The following PDE4D variants were observed in gnomAD, a reference collection of about 807,000 sequenced individuals.
PDE4D encodes phosphodiesterase 4D.
A neutral mutation model predicts 87.4 loss-of-function variants in PDE4D; 24 were observed. The observed-to-expected ratio is 0.27, with a 90% CI of 0.20 to 0.39. PDE4D has a LOEUF of 0.39. Ranked by LOEUF, PDE4D falls within the 10% of genes least tolerant of loss-of-function variation. PDE4D has a pLI of 1.00. For missense variants in PDE4D, 714 were observed against 1,041.0 expected, an observed-to-expected ratio of 0.69 and a Z score of 4.32; for synonymous variants, 384 against 383.2, an observed-to-expected ratio of 1.00 and a Z score of -0.02.
intron 1 of PDE4D, among the ~76,000 whole-genome samples, chr5:60,223,745 T>C (rs898763907): frequency 5.9e-5 from 9 of 152,126 alleles, no homozygotes; most frequent in African/African-American, 1.7e-4. Flanking sequence ...TTAATTACTA[T>C]GGTAGATATT....
chr5:59,130,464 A>C (rs771347847), intron 5 of PDE4D, among the ~76,000 whole-genome samples: 2 of 152,252 alleles, frequency 1.3e-5, no homozygotes, highest in Non-Finnish European at 2.9e-5. Flanking sequence ...TTCATTAATA[A>C]CAAAATTTAT....
At chr5:59,245,603 T>C (rs1758692949) in intron 1 of PDE4D, among the ~76,000 whole-genome samples, 2 of 152,190 alleles carry the variant, frequency 1.3e-5, no homozygotes, top group African/African-American at 2.4e-5. Flanking sequence ...ACTTATCATG[T>C]TGCTGTCAAA....
At chr5:59,104,229 G>T (rs540078309) in intron 5 of PDE4D, among the ~76,000 whole-genome samples, 1 of 152,306 alleles carries the variant, frequency 6.6e-6, no homozygotes, top group South Asian at 2.1e-4. Flanking sequence ...GAACCAGATA[G>T]TATGCTGGGT....
intron 1 of PDE4D, among the ~76,000 whole-genome samples, chr5:60,390,480 T>G (rs1311838960): frequency 1.3e-5 from 2 of 152,106 alleles, no homozygotes; most frequent in African/African-American, 2.4e-5. Context: ...CAACCAGGAC[T>G]TACATTGTTT....
chr5:59,766,059 A>G (rs934366512), intron 1 of PDE4D, among the ~76,000 whole-genome samples: 1 of 152,238 alleles, frequency 6.6e-6, no homozygotes, highest in Admixed American at 6.5e-5. Context: ...AGATACAAAT[A>G]TATTTATATT....
At chr5:59,874,347 T>A (rs992300283) in intron 1 of PDE4D, among the ~76,000 whole-genome samples, 6 of 152,234 alleles carry the variant, frequency 3.9e-5, no homozygotes, top group Admixed American at 2.0e-4. Flanking sequence ...TTTTATCACA[T>A]CAATTCCTTT....
chr5:60,306,832 C>A (rs568643151), intron 1 of PDE4D, among the ~76,000 whole-genome samples: 2 of 151,650 alleles, frequency 1.3e-5, no homozygotes, highest in African/African-American at 2.4e-5. Context: ...ATAGCAGAAA[C>A]AAAAGAAAAA....
intron 2 of PDE4D, among the ~76,000 whole-genome samples, chr5:59,199,977 C>T (rs1191870191): frequency 1.3e-5 from 2 of 151,164 alleles, no homozygotes; most frequent in Non-Finnish European, 3.0e-5. Flanking sequence ...CACATACATA[C>T]ATATATACAC....
intron 1 of PDE4D, among the ~76,000 whole-genome samples, chr5:59,762,886 TATATATAG>T (rs1370438877): frequency 3.5e-4 from 49 of 140,250 alleles, no homozygotes; most frequent in Non-Finnish European, 5.4e-4. Flanking sequence ...TATATATATA[TATATATAG>T]CTTGCTCTTT....
In PDE4D at chr5:59,631,892, C is replaced by T. The variant is rs576940995; in HGVS notation, c.455+261276G>A. On this transcript the variant is annotated intron_variant, in intron 1 of 14. Transcript: ENST00000340635. The stretch of plus-strand genomic sequence containing the variant: ...AATGGCACCTGGAACACCAGTGAGA[C>T]AGCCATTCAATCCCCTGGAAGGGGG... Among the ~76,000 whole-genome samples, 633 of 152,176 alleles carry T rather than the reference C, an allele frequency of 4.2e-3. 5 individuals carry two copies. Among genetic ancestry groups the T allele is most frequent in the Middle Eastern group, 0.014 (4 of 294 alleles).
At chr5:59,684,476 G>A (rs892453930) in intron 1 of PDE4D, among the ~76,000 whole-genome samples, 4 of 152,074 alleles carry the variant, frequency 2.6e-5, no homozygotes, top group African/African-American at 9.7e-5. Flanking sequence ...AAAAGAGAAT[G>A]GTAATTATTA....
At chr5:59,127,926 C>G (rs1466575962) in intron 5 of PDE4D, among the ~76,000 whole-genome samples, 1 of 151,834 alleles carries the variant, frequency 6.6e-6, no homozygotes, top group African/African-American at 2.4e-5. Flanking sequence ...GACTTTGTTC[C>G]TTAGCGTTCT....
intron 1 of PDE4D, among the ~76,000 whole-genome samples, chr5:59,539,652 A>G (rs1815943058): frequency 1.3e-5 from 2 of 152,198 alleles, no homozygotes; most frequent in South Asian, 2.1e-4. Flanking sequence ...ATTCCATAAG[A>G]TATAACTTTC....
intron 1 of PDE4D, among the ~76,000 whole-genome samples, chr5:59,604,291 A>T (rs1827897278): frequency 6.6e-6 from 1 of 151,998 alleles, no homozygotes; most frequent in South Asian, 2.1e-4. Context: ...TTTCTTCAGG[A>T]TTACATTAGA....
At chr5:59,712,466 T>G (rs1754350283) in intron 1 of PDE4D, among the ~76,000 whole-genome samples, 1 of 145,378 alleles carries the variant, frequency 6.9e-6, no homozygotes. Context: ...ATGTTACTCA[T>G]TAAAACCCCA....
intron 1 of PDE4D, among the ~76,000 whole-genome samples, chr5:59,477,938 G>T (rs1803579765): frequency 6.6e-6 from 1 of 152,026 alleles, no homozygotes; most frequent in Non-Finnish European, 1.5e-5. Context: ...AATTAATGCT[G>T]GAACATAAAA....
intron 3 of PDE4D, among the ~76,000 whole-genome samples, chr5:59,922,160 C>T (rs1754748337): frequency 6.6e-6 from 1 of 152,126 alleles, no homozygotes; most frequent in Non-Finnish European, 1.5e-5. Context: ...TATAGACCAG[C>T]CCTAGCCAGA....
intron 1 of PDE4D, among the ~76,000 whole-genome samples, chr5:59,827,208 C>A (rs1278521107): frequency 6.6e-6 from 1 of 151,724 alleles, no homozygotes; most frequent in East Asian, 1.9e-4. Context: ...TAAATATTAG[C>A]CTGACTTAAT....
chr5:59,893,359 G>GGGC lies in PDE4D; in HGVS notation c.261_263dup (p.Pro88dup). 8.0e-7 allele frequency: 1 copy of GGGC among 1,256,536 alleles called. No individual in the cohort carries two copies. Among genetic ancestry groups the GGGC allele is most frequent in the Non-Finnish European group, 1.0e-6 (1 of 1,001,642 alleles). 77.8% of individuals were successfully genotyped at this position (1,256,536 alleles called of 1,614,324 possible). A position where few individuals can be genotyped will look rare whatever the true frequency, so the allele number is the denominator to read the frequency against. ...AGGCGTAGCGGCCGCGGGCAGCCCCGGGCGGCGGCGGGGGCGGCGGCAGGG... is the reference window on the plus strand; with the variant it reads ...AGGCGTAGCGGCCGCGGGCAGCCCCGGGCGGCGGCGGCGGGGGCGGCGGCAGGG... On this transcript the variant is annotated inframe_insertion, in exon 1 of 15. Transcript: ENST00000340635.
Sources: gnomAD v4.1 joint callset for allele counts (sites outside exome capture counted in the v4.1 genomes callset) on GRCh38, gnomAD v4.1.1 for gene constraint, MANE v1.5 for transcripts, NCBI Gene and HGNC (gene_info 2026-07-23, HGNC 2026-07-21) for gene names.